The following PMP22 variants were observed in gnomAD, a reference collection of about 807,000 sequenced individuals.
PMP22 encodes Charcot-Marie-Tooth neuropathy 1A (greatly reduced nerve conduction velocity, hereditary motor sensory neuropathy Ia).
Under a neutral mutation model 18.9 loss-of-function variants are expected in PMP22, and 2 were observed. The observed-to-expected ratio is 0.11, with a 90% CI of 0.04 to 0.33. The LOEUF (loss-of-function observed/expected upper bound fraction) is 0.33. PMP22 is among the 10% of genes least tolerant of loss of function. The probability of loss-of-function intolerance (pLI) is 1.00; values close to 1 mark genes in which losing one functional copy is unlikely to be tolerated. For synonymous variants in PMP22, 95 were observed against 89.2 expected (o/e 1.07, Z -0.37); for missense variants, 169 against 202.2 (o/e 0.84, Z 1.00).
intron 3 of PMP22, among the ~76,000 whole-genome samples, chr17:15,241,556 G>A (rs979705838): frequency 4.6e-5 from 7 of 151,982 alleles, no homozygotes; most frequent in African/African-American, 9.7e-5. Flanking sequence ...CCTTAACCCC[G>A]CGCCCCTGTC....
chr17:15,232,057 T>C (rs868180086), intron 4 of PMP22, among the ~76,000 whole-genome samples: 3 of 152,100 alleles, frequency 2.0e-5, no homozygotes, highest in Middle Eastern at 3.4e-3. Flanking sequence ...TGAGAAGCTC[T>C]GAGTGACTCT....
intron 1 of PMP22, among the ~76,000 whole-genome samples, chr17:15,263,657 A>C (rs967505712): frequency 6.6e-6 from 1 of 152,194 alleles, no homozygotes; most frequent in Non-Finnish European, 1.5e-5. Flanking sequence ...TCAATGATTC[A>C]AATAATTCTA....
In PMP22 at chr17:15,239,389, G is replaced by A; in HGVS notation, c.319+82C>T. 4 of 1,486,844 alleles carry A rather than the reference G, an allele frequency of 2.7e-6. No homozygotes were observed. In the East Asian group the frequency reaches 9.0e-5, roughly 34 times the overall value. The allele number at this position is 1,486,844 out of a possible 1,614,324, so 92.1% of individuals were successfully genotyped here. A position where few individuals can be genotyped will look rare whatever the true frequency, so the allele number is the denominator to read the frequency against. ...ACTCATGAACATCAGTCATTCTGAGGCCACATCCTTCTACTAAACTAATCA... is the reference window on the plus strand; with the variant it reads ...ACTCATGAACATCAGTCATTCTGAGACCACATCCTTCTACTAAACTAATCA... On this transcript the variant is annotated intron_variant, in intron 4 of 4. Coordinates refer to ENST00000312280, the MANE Select transcript of PMP22 (RefSeq NM_000304.4).
chr17:15,259,821 C>T (rs1909151523), intron 2 of PMP22, among the ~76,000 whole-genome samples: 1 of 150,258 alleles, frequency 6.7e-6, no homozygotes, highest in Admixed American at 6.6e-5. Context: ...TGGTGGCGGG[C>T]ACCTGTAATC....
At chr17:15,247,932 A>T (rs1001898882) in intron 3 of PMP22, among the ~76,000 whole-genome samples, 1 of 152,098 alleles carries the variant, frequency 6.6e-6, no homozygotes, top group African/African-American at 2.4e-5. Context: ...AAAACACATG[A>T]CCCCAAGACC....
rs75330298 is a variant in PMP22, at chr17:15,243,380, C to G, written c.179-3769G>C. ...AAATAATCTACAAATTCAATGCTGT[C>G]CTAATCCATATTGCAACTGGAACTG... On this transcript the variant is annotated intron_variant, in intron 3 of 4. Coordinates refer to ENST00000312280, the MANE Select transcript of PMP22 (RefSeq NM_000304.4). 5.7e-3 allele frequency among the ~76,000 whole-genome samples: 864 copies of G among 151,914 alleles called. 8 individuals carry two copies. The highest frequency in any genetic ancestry group is 0.019 in the African/African-American group (808 of 41,496).
intron 3 of PMP22, among the ~76,000 whole-genome samples, chr17:15,243,423 A>C (rs1907520094): frequency 6.6e-6 from 1 of 151,932 alleles, no homozygotes; most frequent in Non-Finnish European, 1.5e-5. Context: ...ATCAATTAAA[A>C]ATTCATCTAA....
chr17:15,245,588 GAT>G (rs1324918072), intron 3 of PMP22, among the ~76,000 whole-genome samples: 1 of 152,126 alleles, frequency 6.6e-6, no homozygotes, highest in East Asian at 1.9e-4. Context: ...GCTGTTAAAG[GAT>G]AGTGCAAATA....
At chr17:15,239,649 T>C (rs199900715) in intron 3 of PMP22, 38 bp from the exon 4 acceptor site, 134 of 1,612,280 alleles carry the variant, frequency 8.3e-5, no homozygotes, top group Admixed American at 2.0e-4. Context: ...GAGCTGGCCA[T>C]GGCCGGGGGA....
chr17:15,265,114 C>T (rs1909623326), intron 1 of PMP22, 40 bp downstream of exon 1: 3 of 152,124 alleles, frequency 2.0e-5, no homozygotes, highest in African/African-American at 7.2e-5. Flanking sequence ...AAAGCATAGG[C>T]ACACATCACC....
At chr17:15,253,953 C>A (rs1394266116) in intron 3 of PMP22, among the ~76,000 whole-genome samples, 1 of 152,148 alleles carries the variant, frequency 6.6e-6, no homozygotes, top group Non-Finnish European at 1.5e-5. Context: ...TTAGCACCTG[C>A]AATAGTCTCT....
At chr17:15,263,752 TCAAA>T (rs1479738752) in intron 1 of PMP22, among the ~76,000 whole-genome samples, 1 of 152,204 alleles carries the variant, frequency 6.6e-6, no homozygotes, top group Non-Finnish European at 1.5e-5. Context: ...AAAAAGATCT[TCAAA>T]CAATGATCTT....
At chr17:15,242,161 G>T (rs1907383267) in intron 3 of PMP22, among the ~76,000 whole-genome samples, 1 of 144,960 alleles carries the variant, frequency 6.9e-6, no homozygotes, top group African/African-American at 2.6e-5. Context: ...GGTTGAGGCA[G>T]AGAATCGCTT....
chr17:15,264,210 A>ATAGGTAGGTAGGTAGGTAGG (rs148785223), intron 1 of PMP22, among the ~76,000 whole-genome samples: 2 of 150,068 alleles, frequency 1.3e-5, no homozygotes, highest in East Asian at 3.9e-4. Flanking sequence ...TGTAACTCTG[A>ATAGGTAGGTAGGTAGGTAGG]TAGGTAGGTA....
chr17:15,246,571 C>T (rs1318450023), intron 3 of PMP22, among the ~76,000 whole-genome samples: 3 of 152,220 alleles, frequency 2.0e-5, no homozygotes, highest in Non-Finnish European at 4.4e-5. Context: ...TATAGATTAA[C>T]ACAAGCCCCA....
In PMP22 at chr17:15,261,969, ACATT is replaced by A. The variant is rs1241746111; in HGVS notation, c.-34-1212_-34-1209del. 1 of 152,242 alleles carries A rather than the reference ACATT, an allele frequency of 6.6e-6. No individual in the cohort carries two copies. Among genetic ancestry groups the A allele is most frequent in the Non-Finnish European group, 1.5e-5 (1 of 68,048 alleles). The allele number at this position is 152,242 out of a possible 1,614,324, so 9.4% of individuals were successfully genotyped here. On this transcript the variant is annotated intron_variant, in intron 1 of 4. Coordinates refer to ENST00000312280, the MANE Select transcript of PMP22 (RefSeq NM_000304.4). This position sits in a 1 kb window ranked among gnomAD's most constrained non-coding sequence, Gnocchi z 5.2. ...CCCTCTGTTCCTCTCCACAAGCATC[ACATT>A]CAAAGAAACTCTGGAATGCACTGGA...
chr17:15,252,401 GC>G (rs1446473446), intron 3 of PMP22, among the ~76,000 whole-genome samples: 1 of 27,332 alleles, frequency 3.7e-5, no homozygotes, highest in African/African-American at 3.3e-4. Flanking sequence ...TGCTGTTGCT[GC>G]TGCTGCTGCT....
At chr17:15,260,308 A>G (rs1292874196) in intron 2 of PMP22, 2 of 341,256 alleles carry the variant, frequency 5.9e-6, no homozygotes, top group Non-Finnish European at 1.1e-5. Flanking sequence ...AAAAAAAATC[A>G]TAAATACTCC....
chr17:15,260,985 T>A, intron 1 of PMP22: 1 of 303,466 alleles, frequency 3.3e-6, no homozygotes, highest in Non-Finnish European at 5.9e-6. Context: ...CGGGCCCGCC[T>A]GCAACGGAAC....
Sources: allele counts gnomAD v4.1 joint callset (sites outside exome capture counted in the v4.1 genomes callset), GRCh38; gene constraint gnomAD v4.1.1; non-coding constraint Gnocchi (gnomAD v3.1); transcripts MANE v1.5; gene names NCBI Gene and HGNC (gene_info 2026-07-23, HGNC 2026-07-21).